SLC2A8: variants seen among roughly 807,000 people sequenced by gnomAD.
SLC2A8 encodes the protein solute carrier family 2 member 8.
Under a neutral mutation model 49.2 loss-of-function variants are expected in SLC2A8, and 53 were observed. The observed-to-expected ratio is 1.08, with a 90% CI of 0.86 to 1.35. The LOEUF (loss-of-function observed/expected upper bound fraction) is 1.35, where lower values mean the gene tolerates loss of function less well. Ranked by LOEUF, SLC2A8 falls within the 40% of genes most tolerant of loss-of-function variation. SLC2A8 has a pLI of 0.00. For synonymous variants in SLC2A8, 299 were observed against 297.0 expected, an observed-to-expected ratio of 1.01 and a Z score of -0.07; for missense variants, 688 against 671.7, an observed-to-expected ratio of 1.02 and a Z score of -0.27.
At chr9:127,404,207 T>C in intron 7 of SLC2A8, 140 bp downstream of exon 7, 1 of 632,504 alleles carries the variant, frequency 1.6e-6, no homozygotes, top group Non-Finnish European at 2.7e-6. Flanking sequence ...GACAGCAGCT[T>C]GTCACCAAGC....
chr9:127,407,341 C>A lies in SLC2A8; in HGVS notation c.*92C>A. On this transcript the variant is annotated 3_prime_UTR_variant, in exon 10 of 10. Coordinates refer to ENST00000373371, the MANE Select transcript of SLC2A8 (RefSeq NM_014580.5). ...CTGCCCCAGGGGAGCCAGAATCCAG[C>A]CCCTTGGAGCCTTGGTCTGCAGGGT... 6.6e-7 allele frequency: 1 copy of A among 1,507,262 alleles called. No homozygotes were observed. Among genetic ancestry groups the A allele is most frequent in the Non-Finnish European group, 9.2e-7 (1 of 1,087,460 alleles). 93.4% of individuals were successfully genotyped at this position (1,507,262 alleles called of 1,614,324 possible). A position where few individuals can be genotyped will look rare whatever the true frequency, so the allele number is the denominator to read the frequency against.
chr9:127,397,554 C>T lies in SLC2A8; in HGVS notation c.219+16C>T, dbSNP rs1432838874. On this transcript the variant is annotated intron_variant, in intron 2 of 9. Transcript: ENST00000373371. Reference sequence around the variant, plus strand: ...CTGGTTCGGGGTGAGGCCCCGGGCTCGCTCCTCCCGCCCTGGGACCCCACG... The same window carrying T: ...CTGGTTCGGGGTGAGGCCCCGGGCTTGCTCCTCCCGCCCTGGGACCCCACG... 5.0e-6 allele frequency: 7 copies of T among 1,397,212 alleles called. No homozygotes were observed. The South Asian group carries it at 6.4e-5, about 13-fold the overall frequency. The allele number at this position is 1,397,212 out of a possible 1,614,324, so 86.6% of individuals were successfully genotyped here. A position where few individuals can be genotyped will look rare whatever the true frequency, so the allele number is the denominator to read the frequency against.
rs1833380118 is a variant in SLC2A8, at chr9:127,403,704, C to T, written c.768C>T (p.Pro256=). Reference sequence around the variant, plus strand: ...TGCGGCAGCCCGGCATCTACAAGCCCTTCATCATCGGCGTCTCCCTGATGG... The same window carrying T: ...TGCGGCAGCCCGGCATCTACAAGCCTTTCATCATCGGCGTCTCCCTGATGG... ...ALLRQPGIYK[P]FIIGVSLMAF... Residue 256 remains proline, a synonymous_variant, in exon 6 of 10, where the codon CCC becomes CCT. Transcript: ENST00000373371. 1 of 1,612,984 alleles carries T rather than the reference C, an allele frequency of 6.2e-7. No individual in the cohort carries two copies. The highest frequency in any genetic ancestry group is 8.5e-7 in the Non-Finnish European group (1 of 1,179,964).
intron 7 of SLC2A8, chr9:127,404,523 A>C: frequency 2.5e-6 from 1 of 401,028 alleles, no homozygotes; most frequent in Non-Finnish European, 4.5e-6. Flanking sequence ...TTTGGTACCC[A>C]GCAGCTGCTG....
At chr9:127,398,430 C>A in intron 3 of SLC2A8, 2 of 680,208 alleles carry the variant, frequency 2.9e-6, no homozygotes, top group Admixed American at 1.9e-5. Flanking sequence ...CCCTCTTTTG[C>A]TCTGCAAACC....
chr9:127,398,179 TC>T, intron 3 of SLC2A8, 68 bp downstream of exon 3: 3 of 1,488,934 alleles, frequency 2.0e-6, no homozygotes, highest in Non-Finnish European at 1.8e-6. Context: ...GACAAACCGC[TC>T]CCCAGGCCTG....
intron 5 of SLC2A8, 63 bp downstream of exon 5, chr9:127,402,816 C>T: frequency 1.4e-6 from 2 of 1,457,484 alleles, no homozygotes; most frequent in East Asian, 2.5e-5. Flanking sequence ...GTAGCACAGC[C>T]TGTTCCCAAG....
intron 5 of SLC2A8, 60 bp from the exon 6 acceptor site, chr9:127,403,600 A>G: frequency 6.2e-7 from 1 of 1,604,888 alleles, no homozygotes; most frequent in Non-Finnish European, 8.5e-7. Flanking sequence ...AGACCCCCAG[A>G]GGGGGGCCGC....
At chr9:127,400,562 G>C (rs1302202233) in intron 4 of SLC2A8, among the ~76,000 whole-genome samples, 6 of 152,164 alleles carry the variant, frequency 3.9e-5, no homozygotes, top group Non-Finnish European at 1.5e-5. Context: ...GACTGCTTAG[G>C]TCAGTACCTT....
chr9:127,403,209 G>A (rs1004399581), intron 5 of SLC2A8: 4 of 246,018 alleles, frequency 1.6e-5, no homozygotes, highest in South Asian at 1.4e-4. Flanking sequence ...ACAGTGCTGG[G>A]TGGGACTCAG....
intron 4 of SLC2A8, 45 bp downstream of exon 4, chr9:127,400,051 C>T: frequency 6.5e-7 from 1 of 1,545,016 alleles, no homozygotes; most frequent in Non-Finnish European, 8.9e-7. Context: ...GGTCATGTGG[C>T]CATTTTACAG....
rs547598986 is a variant in SLC2A8, at chr9:127,397,717, G to C, written c.219+179G>C. ...TGCCCCCCATCCCTTCCCTCGGGACGGGCATCGAGCCCCTCAGCCCCCACC... is the reference window on the plus strand; with the variant it reads ...TGCCCCCCATCCCTTCCCTCGGGACCGGCATCGAGCCCCTCAGCCCCCACC... On this transcript the variant is annotated intron_variant, in intron 2 of 9. Coordinates refer to ENST00000373371, the MANE Select transcript of SLC2A8 (RefSeq NM_014580.5). 2.0e-5 allele frequency among the ~76,000 whole-genome samples: 3 copies of C among 152,068 alleles called. No individual in the cohort carries two copies. In the East Asian group the frequency reaches 5.8e-4, roughly 30 times the overall value.
Position 127,405,418 on chromosome 9 carries a change from A to C in SLC2A8, c.1151-2A>C. 2 of 1,612,462 alleles carry C rather than the reference A, an allele frequency of 1.2e-6. No individual in the cohort carries two copies. Among genetic ancestry groups the C allele is most frequent in the Non-Finnish European group, 1.7e-6 (2 of 1,179,932 alleles). On this transcript the variant is annotated splice_acceptor_variant, in intron 8 of 9. Transcript: ENST00000373371. LOFTEE classifies it high-confidence loss of function. ...CCTGTCTTGCCTGTCTCGCTCCCACAGGCTTTGCGGTGGGCTGGGGGCCCA... is the reference window on the plus strand; with the variant it reads ...CCTGTCTTGCCTGTCTCGCTCCCACCGGCTTTGCGGTGGGCTGGGGGCCCA...
chr9:127,405,439 G>C lies in SLC2A8; in HGVS notation c.1170G>C (p.Gly390=). The part of the protein sequence containing the change: ...LFIAGFAVGW[G]PIPWLLMSEI... ...CCACAGGCTTTGCGGTGGGCTGGGGGCCCATCCCCTGGCTCCTCATGTCAG... is the reference window on the plus strand; with the variant it reads ...CCACAGGCTTTGCGGTGGGCTGGGGCCCCATCCCCTGGCTCCTCATGTCAG... Residue 390 remains glycine, a synonymous_variant, in exon 9 of 10, where the codon GGG becomes GGC. Coordinates refer to ENST00000373371, the MANE Select transcript of SLC2A8 (RefSeq NM_014580.5). 1 of 1,612,768 alleles carries C rather than the reference G, an allele frequency of 6.2e-7. No individual in the cohort carries two copies. Among genetic ancestry groups the C allele is most frequent in the Non-Finnish European group, 8.5e-7 (1 of 1,179,970 alleles).
chr9:127,402,562 G>T lies in SLC2A8; in HGVS notation c.532G>T (p.Val178Leu). The change falls in exon 5 of 10, where the codon GTG becomes TTG. Residue 178 changes from valine (V) to leucine (L), a missense_variant. Transcript: ENST00000373371. ...GILLAYLAGW[V>L]LEWRWLAVLG... is the part of the protein sequence containing the mutation. ...CCTCCACCCACCCCCCGCAGGCTGG[G>T]TGCTGGAGTGGCGCTGGCTGGCTGT... The T allele has an allele frequency of 6.4e-7, 1 of 1,558,134 alleles. No homozygotes were observed.
chr9:127,402,465 C>G (rs1833323239), intron 4 of SLC2A8, 92 bp from the exon 5 acceptor site: 1 of 1,430,092 alleles, frequency 7.0e-7, no homozygotes, highest in Admixed American at 2.9e-5. Context: ...GGCAGCGAGG[C>G]CCCATCTCTG....
chr9:127,398,244 C>A, intron 3 of SLC2A8, 133 bp downstream of exon 3: 1 of 928,166 alleles, frequency 1.1e-6, no homozygotes, highest in Non-Finnish European at 1.8e-6. Context: ...GAAGTCCCTG[C>A]GTTATCTCGC....
chr9:127,402,838 G>C, intron 5 of SLC2A8, 85 bp downstream of exon 5: 8 of 1,408,338 alleles, frequency 5.7e-6, no homozygotes, highest in Non-Finnish European at 7.5e-6. Context: ...CCACACACTT[G>C]GGGGGTGGGG....
In SLC2A8 at chr9:127,397,193, C is replaced by A; in HGVS notation, c.-38C>A. 1 of 1,446,262 alleles carries A rather than the reference C, an allele frequency of 6.9e-7. No homozygotes were observed. Among genetic ancestry groups the A allele is most frequent in the South Asian group, 1.4e-5 (1 of 73,740 alleles). 89.6% of individuals were successfully genotyped at this position (1,446,262 alleles called of 1,614,324 possible). A position where few individuals can be genotyped will look rare whatever the true frequency, so the allele number is the denominator to read the frequency against. ...CGCACTCGCAGGGCCCGTGGCGGTTCAGGCGCCAGAGCTGGCCGATCGGCG... is the reference window on the plus strand; with the variant it reads ...CGCACTCGCAGGGCCCGTGGCGGTTAAGGCGCCAGAGCTGGCCGATCGGCG... On this transcript the variant is annotated 5_prime_UTR_variant, in exon 1 of 10. Coordinates refer to ENST00000373371, the MANE Select transcript of SLC2A8 (RefSeq NM_014580.5).
Sources: allele counts gnomAD v4.1 joint callset (sites outside exome capture counted in the v4.1 genomes callset), GRCh38; gene constraint gnomAD v4.1.1; transcripts MANE v1.5; gene names NCBI Gene and HGNC (gene_info 2026-07-23, HGNC 2026-07-21).